SLC38A6: variants seen among roughly 807,000 people sequenced by gnomAD.
SLC38A6 encodes solute carrier family 38 member 6, also known as N system amino acid transporter NAT-1.
SLC38A6 carries 73 observed loss-of-function variants against 65.0 expected under a neutral mutation model. The ratio of observed to expected loss-of-function variants is 1.12; its 90% CI spans 0.93 to 1.37. The LOEUF is 1.37. Among genes scored for constraint, SLC38A6 ranks in the 40% most tolerant of loss-of-function variants. The pLI, the probability that SLC38A6 is intolerant of heterozygous loss-of-function variation, is 0.00. For synonymous variants in SLC38A6, 183 were observed against 178.8 expected (o/e 1.02, Z -0.19); for missense variants, 561 against 531.1 (o/e 1.06, Z -0.55).
chr14:61,080,749 AC>A (rs767355954), intron 16 of SLC38A6, among the ~76,000 whole-genome samples: 3 of 152,138 alleles, frequency 2.0e-5, no homozygotes, highest in Admixed American at 6.5e-5. Context: ...CAGCTGCTGC[AC>A]CGGGCCCTGG....
Position 61,027,421 on chromosome 14 carries a change from A to G in SLC38A6, c.404-3024A>G, listed in dbSNP as rs371566623. Among the ~76,000 whole-genome samples, 10 of 152,234 alleles carry G rather than the reference A, an allele frequency of 6.6e-5. 1 individual carries two copies. The highest frequency in any genetic ancestry group is 2.4e-4 in the African/African-American group (10 of 41,552). ...TTTTAGGAATCTATACTAGGTGTCC[A>G]TGTCACCCAAAATCATTTGCAAATT... On this transcript the variant is annotated intron_variant, in intron 5 of 15. Transcript: ENST00000267488.
intron 8 of SLC38A6, among the ~76,000 whole-genome samples, chr14:61,037,920 G>A (rs1006924080): frequency 2.6e-5 from 4 of 152,108 alleles, no homozygotes; most frequent in Non-Finnish European, 4.4e-5. Context: ...AGAGGAGAGC[G>A]TGCCAATTCT....
At chr14:60,999,130 A>G (rs1595004065) in intron 3 of SLC38A6, among the ~76,000 whole-genome samples, 1 of 152,222 alleles carries the variant, frequency 6.6e-6, no homozygotes, top group Non-Finnish European at 1.5e-5. Context: ...CTCAGATCCC[A>G]AGGAATTTGT....
chr14:61,037,168 GT>G, intron 7 of SLC38A6, 27 bp downstream of exon 7: 1 of 1,498,954 alleles, frequency 6.7e-7, no homozygotes, highest in South Asian at 1.3e-5. Flanking sequence ...CACATTATTT[GT>G]TTAGAAAAAG....
intron 3 of SLC38A6, among the ~76,000 whole-genome samples, chr14:60,998,090 T>C (rs1243427976): frequency 2.0e-5 from 3 of 151,148 alleles, no homozygotes; most frequent in Non-Finnish European, 2.9e-5. Context: ...TTTAACAGTT[T>C]AAATATGTAT....
intron 4 of SLC38A6, among the ~76,000 whole-genome samples, chr14:61,016,318 C>A (rs182017329): frequency 6.6e-6 from 1 of 152,038 alleles, no homozygotes; most frequent in Admixed American, 6.6e-5. Flanking sequence ...AAAGCAACAT[C>A]GAATTCAAAT....
chr14:61,026,732 G>A (rs1008226079), intron 5 of SLC38A6, among the ~76,000 whole-genome samples: 4 of 151,242 alleles, frequency 2.6e-5, no homozygotes, highest in East Asian at 1.9e-4. Flanking sequence ...CAACCCAGGC[G>A]GGCTGTTTGC....
At position 61,037,042 on chromosome 14, in the gene SLC38A6, A is replaced by G. The variant is rs116504108; in HGVS notation, c.483-17A>G. On this transcript the variant is annotated splice_polypyrimidine_tract_variant and intron_variant, in intron 6 of 15. Transcript: ENST00000267488. ...CACTGGAGTCCCATGCCTAAAGTAG[A>G]ACTTTTTTTATAATAGATATTGGTA... is the stretch of plus-strand genomic sequence containing the variant. 1.4e-3 allele frequency: 2,161 copies of G among 1,587,248 alleles called. 17 individuals carry two copies. The African/African-American group carries it at 0.025, about 18-fold the overall frequency.
chr14:61,053,385 G>A (rs1241457558), downstream of SLC38A6, among the ~76,000 whole-genome samples: 6 of 152,030 alleles, frequency 3.9e-5, no homozygotes, highest in African/African-American at 1.4e-4. Context: ...AATAATTTAT[G>A]TTCCTTGGGG....
chr14:61,041,400 AT>A (rs1213803316), intron 8 of SLC38A6, among the ~76,000 whole-genome samples: 1 of 152,090 alleles, frequency 6.6e-6, no homozygotes, highest in African/African-American at 2.4e-5. Context: ...GCTACTTCTT[AT>A]TTTTTTCAAA....
At chr14:61,002,780 C>CA (rs891149844) in intron 3 of SLC38A6, among the ~76,000 whole-genome samples, 12 of 152,120 alleles carry the variant, frequency 7.9e-5, no homozygotes, top group African/African-American at 2.6e-4. Flanking sequence ...TCTTTAATAT[C>CA]AAAAAAAGTT....
chr14:61,080,975 C>CA (rs1226291611), intron 16 of SLC38A6, among the ~76,000 whole-genome samples: 1 of 152,208 alleles, frequency 6.6e-6, no homozygotes, highest in Non-Finnish European at 1.5e-5. Context: ...TTACAACACT[C>CA]ACTGCTATTA....
intron 6 of SLC38A6, among the ~76,000 whole-genome samples, chr14:61,033,291 A>G (rs1788183177): frequency 6.6e-6 from 1 of 151,982 alleles, no homozygotes; most frequent in South Asian, 2.1e-4. Flanking sequence ...TAAAATATGG[A>G]AAAAAACATC....
rs1566638174 is a variant in SLC38A6 at position 61,006,975 on chromosome 14, A to G, written c.311-8929A>G. 5.3e-5 allele frequency among the ~76,000 whole-genome samples: 8 copies of G among 152,346 alleles called. No individual in the cohort carries two copies. In the South Asian group the frequency reaches 1.7e-3, roughly 32 times the overall value. On this transcript the variant is annotated intron_variant, in intron 3 of 15. Transcript: ENST00000267488. The stretch of plus-strand genomic sequence containing the variant: ...TAAGAAAATGTGGCACATATACACC[A>G]TGGAATACTATGCAGCCATAAAAAA...
chr14:61,063,668 C>T (rs533020311), intron 15 of SLC38A6, among the ~76,000 whole-genome samples: 1 of 150,670 alleles, frequency 6.6e-6, no homozygotes, highest in Admixed American at 6.7e-5. Flanking sequence ...GGAAATAAGC[C>T]GAAAAATTGA....
chr14:61,017,324 C>G (rs2040077859), intron 4 of SLC38A6, among the ~76,000 whole-genome samples: 1 of 152,138 alleles, frequency 6.6e-6, no homozygotes, highest in Non-Finnish European at 1.5e-5. Context: ...ACAGCGTTAG[C>G]CACCGCGCCC....
intron 9 of SLC38A6, 71 bp from the exon 10 acceptor site, chr14:61,043,379 C>T: frequency 7.8e-7 from 1 of 1,279,198 alleles, no homozygotes. Context: ...ATAAATTCAT[C>T]ATTTTTATTG....
At chr14:61,073,316 C>T (rs1784543846) in intron 15 of SLC38A6, among the ~76,000 whole-genome samples, 1 of 151,970 alleles carries the variant, frequency 6.6e-6, no homozygotes, top group Non-Finnish European at 1.5e-5. Context: ...CAGATATTTT[C>T]TTCTGAAAGC....
In SLC38A6 at chr14:61,046,479, A is replaced by G. The variant is rs78695666; in HGVS notation, c.925+312A>G. On this transcript the variant is annotated intron_variant, in intron 12 of 15. Coordinates refer to ENST00000267488, the MANE Select transcript of SLC38A6 (RefSeq NM_153811.3). Reference sequence around the variant, plus strand: ...ATTTTAATGATTCTGTTTTTCTTAAATTTTGAATTCAATATATTAGTCTAA... The same window carrying G: ...ATTTTAATGATTCTGTTTTTCTTAAGTTTTGAATTCAATATATTAGTCTAA... Among the ~76,000 whole-genome samples, 180 of 152,330 alleles carry G rather than the reference A, an allele frequency of 1.2e-3. 3 individuals are homozygous for G. In the East Asian group the frequency reaches 0.032, roughly 27 times the overall value.
Sources: gnomAD v4.1 joint callset for allele counts (sites outside exome capture counted in the v4.1 genomes callset) on GRCh38, gnomAD v4.1.1 for gene constraint, MANE v1.5 for transcripts, NCBI Gene and HGNC (gene_info 2026-07-23, HGNC 2026-07-21) for gene names.